The following MALRD1 variants were observed in gnomAD, a reference collection of about 807,000 sequenced individuals.
The protein encoded by MALRD1 is MAM and LDL receptor class A domain containing 1, also known as MAM and LDL-receptor class A domain-containing protein 1.
In MALRD1, 247 loss-of-function variants were observed where a neutral mutation model predicts 242.1. The ratio of observed to expected loss-of-function variants is 1.02; its 90% CI spans 0.92 to 1.13. The LOEUF is 1.13. Among genes scored for constraint, MALRD1 ranks in the 50% most tolerant of loss-of-function variants. The probability of loss-of-function intolerance (pLI) is 0.00; values close to 1 mark genes in which losing one functional copy is unlikely to be tolerated. For missense variants in MALRD1, 2,989 were observed against 2,533.1 expected (o/e 1.18, Z -3.86); for synonymous variants, 995 against 866.6 (o/e 1.15, Z -2.60).
At chr10:19,728,536 G>T (rs1835146523) in intron 38 of MALRD1, 1 of 151,998 alleles carries the variant, frequency 6.6e-6, no homozygotes, top group African/African-American at 2.4e-5. Flanking sequence ...GGCCAAGCTG[G>T]TCCCTTCAGC....
At chr10:19,302,900 C>G (rs1842012658) in intron 21 of MALRD1, among the ~76,000 whole-genome samples, 1 of 151,412 alleles carries the variant, frequency 6.6e-6, no homozygotes, top group South Asian at 2.1e-4. Context: ...TTTTAACTAA[C>G]AACTAATAAA....
At chr10:19,083,921 T>C (rs1266586677) in intron 2 of MALRD1, among the ~76,000 whole-genome samples, 3 of 152,006 alleles carry the variant, frequency 2.0e-5, no homozygotes, top group Non-Finnish European at 4.4e-5. Context: ...TTTTTGCCAG[T>C]TTTAAAATTC....
At chr10:19,167,607 G>A (rs1036835117) in intron 13 of MALRD1, among the ~76,000 whole-genome samples, 2 of 152,000 alleles carry the variant, frequency 1.3e-5, no homozygotes, top group Non-Finnish European at 2.9e-5. Flanking sequence ...AATTACCCAG[G>A]GGACAATTGA....
chr10:19,398,569 T>C (rs1564306181), intron 28 of MALRD1, among the ~76,000 whole-genome samples: 1 of 152,174 alleles, frequency 6.6e-6, no homozygotes, highest in Non-Finnish European at 1.5e-5. Context: ...ATCTGTTGCC[T>C]GTATTCACAA....
chr10:19,485,814 T>C (rs552904241), intron 29 of MALRD1, among the ~76,000 whole-genome samples: 1 of 152,158 alleles, frequency 6.6e-6, no homozygotes, highest in South Asian at 2.1e-4. Context: ...CTACTTCCAA[T>C]TATGAAGAAG....
rs1037442925 is a variant in MALRD1, at chr10:19,327,674, G to C, written c.3687+1G>C. 4.5e-6 allele frequency: 7 copies of C among 1,545,562 alleles called. No individual in the cohort carries two copies. Among genetic ancestry groups the C allele is most frequent in the African/African-American group, 1.4e-5 (1 of 73,036 alleles). Reference sequence around the variant, plus strand: ...TTTAGGCATTCGTTCACATACACAGGTGTGTAATACAGGTAGTTATGGGGT... The same window carrying C: ...TTTAGGCATTCGTTCACATACACAGCTGTGTAATACAGGTAGTTATGGGGT... On this transcript the variant is annotated splice_donor_variant, in intron 23 of 39. Coordinates refer to ENST00000454679, the MANE Select transcript of MALRD1 (RefSeq NM_001142308.3). LOFTEE classifies it high-confidence loss of function.
chr10:19,692,678 T>G, intron 38 of MALRD1, 124 bp downstream of exon 38: 1 of 673,416 alleles, frequency 1.5e-6, no homozygotes. Flanking sequence ...GTTTTGCTGC[T>G]TTATGGATTT....
intron 28 of MALRD1, among the ~76,000 whole-genome samples, chr10:19,410,379 C>T (rs1833227123): frequency 6.6e-6 from 1 of 152,034 alleles, no homozygotes; most frequent in Non-Finnish European, 1.5e-5. Flanking sequence ...CTTCATGAAC[C>T]TCAAGTCTAG....
intron 18 of MALRD1, among the ~76,000 whole-genome samples, chr10:19,225,019 G>A (rs112528013): frequency 0.021 from 3,134 of 152,246 alleles, 50 homozygotes; most frequent in Middle Eastern, 0.037. Context: ...ATTTTATAAG[G>A]TGTAAGGAAG....
intron 36 of MALRD1, among the ~76,000 whole-genome samples, chr10:19,646,627 T>G (rs1373362061): frequency 1.3e-5 from 2 of 151,822 alleles, no homozygotes; most frequent in African/African-American, 4.8e-5. Context: ...AAATAATAAG[T>G]TTAAAGTAGG....
intron 38 of MALRD1, among the ~76,000 whole-genome samples, chr10:19,699,264 A>C (rs1009715318): frequency 7.1e-6 from 1 of 141,614 alleles, no homozygotes; most frequent in East Asian, 2.2e-4. Context: ...GAAGGGAGAA[A>C]ATTGTACTGT....
At chr10:19,724,827 T>A (rs7093678) in intron 38 of MALRD1, 2 of 151,868 alleles carry the variant, frequency 1.3e-5, no homozygotes, top group Non-Finnish European at 2.9e-5. Context: ...ATAAGCAATC[T>A]CAAAGAATCC....
At chr10:19,270,259 G>A (rs1442227761) in intron 19 of MALRD1, among the ~76,000 whole-genome samples, 1 of 151,688 alleles carries the variant, frequency 6.6e-6, no homozygotes, top group Non-Finnish European at 1.5e-5. Flanking sequence ...AAGTTGCAGT[G>A]ATTTGAGATC....
chr10:19,110,809 CA>C (rs1158077828), intron 5 of MALRD1, among the ~76,000 whole-genome samples: 3 of 151,978 alleles, frequency 2.0e-5, no homozygotes, highest in African/African-American at 7.3e-5. Flanking sequence ...CAGGGTCTGG[CA>C]AAGAAAATGA....
At chr10:19,116,441 T>A (rs1836872130) in intron 5 of MALRD1, among the ~76,000 whole-genome samples, 1 of 152,236 alleles carries the variant, frequency 6.6e-6, no homozygotes, top group Non-Finnish European at 1.5e-5. Context: ...CTTCCAGTTT[T>A]CTTTTAAGAG....
At chr10:19,279,939 C>G in intron 19 of MALRD1, 108 bp from the exon 20 acceptor site, 1 of 893,460 alleles carries the variant, frequency 1.1e-6, no homozygotes, top group Non-Finnish European at 1.6e-6. Flanking sequence ...CCACTGTTCT[C>G]TATGATATTG....
rs534080022 is a variant in MALRD1 at position 19,730,279 on chromosome 10, A to G, written c.6315-427A>G. Among the ~76,000 whole-genome samples, 3 of 152,356 alleles carry G rather than the reference A, an allele frequency of 2.0e-5. No homozygotes were observed. In the East Asian group the frequency reaches 5.8e-4, roughly 29 times the overall value. ...ATCTTTATGACAGATACTGTCATGG[A>G]AAACAGTCTTCAGGATGTAGTGGTT... is the stretch of plus-strand genomic sequence containing the variant. On this transcript the variant is annotated intron_variant, in intron 38 of 39. Transcript: ENST00000454679.
chr10:19,476,998 T>C (rs542663855), intron 29 of MALRD1, among the ~76,000 whole-genome samples: 1 of 152,200 alleles, frequency 6.6e-6, no homozygotes, highest in East Asian at 1.9e-4. Flanking sequence ...ACATCTCATT[T>C]TTTAGGATCA....
At chr10:19,137,206 G>T (rs934535511) in intron 10 of MALRD1, among the ~76,000 whole-genome samples, 1 of 151,992 alleles carries the variant, frequency 6.6e-6, no homozygotes, top group Non-Finnish European at 1.5e-5. Context: ...GGATGAGTAG[G>T]AGGAGGGTGG....
Sources: allele counts gnomAD v4.1 joint callset (sites outside exome capture counted in the v4.1 genomes callset), GRCh38; gene constraint gnomAD v4.1.1; transcripts MANE v1.5; gene names NCBI Gene and HGNC (gene_info 2026-07-23, HGNC 2026-07-21).